Variants in MAP1B observed in about 807,000 individuals in gnomAD.
MAP1B encodes microtubule associated protein 1B.
MAP1B carries 12 observed loss-of-function variants against 176.1 expected under a neutral mutation model. The ratio of observed to expected loss-of-function variants is 0.07; its 90% CI spans 0.04 to 0.11. The LOEUF (loss-of-function observed/expected upper bound fraction) is 0.11, where lower values mean the gene tolerates loss of function less well. Among genes scored for constraint, MAP1B ranks in the 10% least tolerant of loss-of-function variants. The pLI, the probability that MAP1B is intolerant of heterozygous loss-of-function variation, is 1.00. For synonymous variants in MAP1B, 1,044 were observed against 1,135.0 expected (o/e 0.92, Z 1.61); for missense variants, 2,523 against 2,990.5 (o/e 0.84, Z 3.65).
intron 2 of MAP1B, among the ~76,000 whole-genome samples, chr5:72,170,758 G>A (rs1304114504): frequency 5.3e-5 from 8 of 152,078 alleles, no homozygotes; most frequent in Admixed American, 2.0e-4. Context: ...TCAGGAGTTC[G>A]AGACCAGTGA....
At position 72,198,778 on chromosome 5, in the gene MAP1B, A is replaced by G; in HGVS notation, c.5423A>G (p.Lys1808Arg). ...PTFSDSTSAV[K>R]EKTATCHSSS... ...TTTTCAGATTCTACCTCTGCAGTCA[A>G]AGAGAAAACAGCAACTTGCCACAGT... Residue 1808 changes from lysine to arginine, a missense_variant, in exon 5 of 7, where the codon AAA (lysine) becomes AGA (arginine). Lys to Arg is a conservative substitution (Grantham distance 26). This residue lies in a region of MAP1B where 1,925 missense variants were observed against 2,126.0 expected (regional missense o/e 0.91). Coordinates refer to ENST00000296755, the MANE Select transcript of MAP1B (RefSeq NM_005909.5). The G allele has an allele frequency of 6.2e-7, 1 of 1,614,180 alleles. No individual in the cohort carries two copies. Among genetic ancestry groups the G allele is most frequent in the Non-Finnish European group, 8.5e-7 (1 of 1,180,032 alleles).
Position 72,107,480 on chromosome 5 carries a change from G to A in MAP1B, c.-52G>A. 6.8e-7 allele frequency: 1 copy of A among 1,471,302 alleles called. No individual in the cohort carries two copies. The allele number at this position is 1,471,302 out of a possible 1,614,324, so 91.1% of individuals were successfully genotyped here. On this transcript the variant is annotated 5_prime_UTR_variant, in exon 1 of 7. Coordinates refer to ENST00000296755, the MANE Select transcript of MAP1B (RefSeq NM_005909.5). ...AGATAATCCTTTCTCCTGCCGCAGT[G>A]GAGAGGAGCGGCCGGAGCGAGACAC...
At chr5:72,189,858 G>A (rs1319203412) in intron 4 of MAP1B, among the ~76,000 whole-genome samples, 2 of 152,096 alleles carry the variant, frequency 1.3e-5, no homozygotes, top group African/African-American at 2.4e-5. Context: ...ACTCAGAGTC[G>A]GGCTGGAGAT....
rs1388152037 is a variant in MAP1B at position 72,198,901 on chromosome 5, G to C, written c.5546G>C (p.Arg1849Thr). ...DTMQHHLALNRDLSTPGLEKD... is the reference protein window; with the variant it reads ...DTMQHHLALNTDLSTPGLEKD... ...ATGCAACACCATCTAGCCTTGAATA[G>C]AGATTTGTCCACACCTGGCCTGGAG... The change falls in exon 5 of 7, where the codon AGA (arginine) becomes ACA (threonine). Residue 1849 changes from arginine (R) to threonine (T), a missense_variant. Coordinates refer to ENST00000296755, the MANE Select transcript of MAP1B (RefSeq NM_005909.5). The C allele has an allele frequency of 6.2e-7, 1 of 1,614,092 alleles. No homozygotes were observed. The highest frequency in any genetic ancestry group is 1.3e-5 in the African/African-American group (1 of 74,930).
In MAP1B at chr5:72,197,746, A is replaced by G. The variant is rs774805530; in HGVS notation, c.4391A>G (p.Asp1464Gly). 1.9e-6 allele frequency: 3 copies of G among 1,614,122 alleles called. No homozygotes were observed. The highest frequency in any genetic ancestry group is 2.5e-6 in the Non-Finnish European group (3 of 1,180,046). ...YQDKQEGKST[D>G]FAPIKEDFGQ... The stretch of plus-strand genomic sequence containing the variant: ...GACAAACAGGAAGGGAAAAGCACAG[A>G]CTTTGCACCAATAAAAGAAGACTTT... The change falls in exon 5 of 7, where the codon GAC becomes GGC. Residue 1464 changes from aspartate to glycine, a missense_variant. Physicochemically the swap from Asp to Gly is moderately conservative, Grantham distance 94. Transcript: ENST00000296755.
chr5:72,126,827 A>C (rs1745641260), intron 2 of MAP1B, among the ~76,000 whole-genome samples: 2 of 152,254 alleles, frequency 1.3e-5, no homozygotes. Flanking sequence ...CAGTTTGGGA[A>C]TTCTTGGCCC....
intron 2 of MAP1B, among the ~76,000 whole-genome samples, chr5:72,167,304 GC>G (rs905799790): frequency 6.6e-6 from 1 of 152,042 alleles, no homozygotes; most frequent in Admixed American, 6.6e-5. Flanking sequence ...AAAACAAGAA[GC>G]AAAAATTTTA....
chr5:72,198,332 T>C lies in MAP1B; in HGVS notation c.4977T>C (p.Ala1659=). The change falls in exon 5 of 7, where the codon GCT becomes GCC. Residue 1659 remains alanine (A), a synonymous_variant. Transcript: ENST00000296755. The part of the protein sequence containing the change: ...FGQESPEQSL[A]MDFSRQSPDH... ...AAGAATCTCCTGAGCAATCCCTTGC[T>C]ATGGACTTCAGTCGACAGTCTCCAG... 6.2e-7 allele frequency: 1 copy of C among 1,614,186 alleles called. No homozygotes were observed.
intron 2 of MAP1B, among the ~76,000 whole-genome samples, chr5:72,124,419 A>C (rs970343472): frequency 6.6e-5 from 10 of 152,338 alleles, no homozygotes; most frequent in African/African-American, 2.4e-4. Flanking sequence ...GGTGAAATTG[A>C]TGCTTATAGA....
chr5:72,140,238 T>G (rs1394507687), intron 2 of MAP1B, among the ~76,000 whole-genome samples: 1 of 152,218 alleles, frequency 6.6e-6, no homozygotes, highest in Non-Finnish European at 1.5e-5. Flanking sequence ...GCTGGGATTA[T>G]AGGCAAGAGC....
intron 2 of MAP1B, among the ~76,000 whole-genome samples, chr5:72,141,035 A>G (rs73123339): frequency 0.014 from 2,143 of 152,294 alleles, 51 homozygotes; most frequent in African/African-American, 0.049. Flanking sequence ...CCACGTTCAC[A>G]CGACTCCATC....
chr5:72,201,426 A>G (rs1747332512), intron 5 of MAP1B, among the ~76,000 whole-genome samples: 1 of 130,076 alleles, frequency 7.7e-6, no homozygotes, highest in Non-Finnish European at 1.6e-5. Context: ...AAGAGCAGGT[A>G]TCCCTGATTT....
At chr5:72,161,968 A>AAAAAAAAAAAG (rs1357325306) in intron 2 of MAP1B, among the ~76,000 whole-genome samples, 1 of 150,606 alleles carries the variant, frequency 6.6e-6, no homozygotes, top group Non-Finnish European at 1.5e-5. Context: ...AAAAAAAAAA[A>AAAAAAAAAAAG]AAAAAAAAGA....
intron 2 of MAP1B, among the ~76,000 whole-genome samples, chr5:72,159,050 T>C (rs900918495): frequency 6.6e-6 from 1 of 152,182 alleles, no homozygotes; most frequent in African/African-American, 2.4e-5. Context: ...TTGAGGAACC[T>C]GAGGGTCAGA....
intron 2 of MAP1B, among the ~76,000 whole-genome samples, chr5:72,143,877 C>T (rs1243615952): frequency 6.6e-6 from 1 of 152,072 alleles, no homozygotes. Flanking sequence ...TTTGTAAAGA[C>T]AAGGTCTTGT....
intron 2 of MAP1B, among the ~76,000 whole-genome samples, chr5:72,178,426 G>C (rs1222623278): frequency 6.6e-6 from 1 of 152,200 alleles, no homozygotes; most frequent in Non-Finnish European, 1.5e-5. Context: ...TCTAACTCCA[G>C]AATCTTCACA....
intron 2 of MAP1B, among the ~76,000 whole-genome samples, chr5:72,133,275 A>G (rs902242637): frequency 6.6e-6 from 1 of 152,180 alleles, no homozygotes; most frequent in Non-Finnish European, 1.5e-5. Context: ...TTCCTGAGAC[A>G]ACTGTCCAGC....
chr5:72,147,038 G>A (rs577726801), intron 2 of MAP1B, among the ~76,000 whole-genome samples: 1 of 146,732 alleles, frequency 6.8e-6, no homozygotes, highest in East Asian at 2.0e-4. Context: ...TTGGCTCACT[G>A]CAACCTCTGA....
intron 2 of MAP1B, among the ~76,000 whole-genome samples, chr5:72,123,833 G>C (rs1365053283): frequency 2.6e-5 from 4 of 152,134 alleles, no homozygotes; most frequent in Non-Finnish European, 5.9e-5. Flanking sequence ...GTCTCACTCT[G>C]TTGCCCAGTC....
Sources: gnomAD v4.1 joint callset for allele counts (sites outside exome capture counted in the v4.1 genomes callset) on GRCh38, gnomAD v4.1.1 for gene constraint, gnomAD v4.1.1 regional missense constraint, MANE v1.5 for transcripts, NCBI Gene and HGNC (gene_info 2026-07-23, HGNC 2026-07-21) for gene names.